CNTN4: variants seen among roughly 807,000 people sequenced by gnomAD.
The protein encoded by CNTN4 is contactin 4.
CNTN4 carries 77 observed loss-of-function variants against 122.5 expected under a neutral mutation model. The ratio of observed to expected loss-of-function variants is 0.63; its 90% CI spans 0.52 to 0.76. CNTN4 has a LOEUF of 0.76. Ranked by LOEUF, CNTN4 falls within the 30% of genes least tolerant of loss-of-function variation. The probability of loss-of-function intolerance (pLI) is 0.00; values close to 1 mark genes in which losing one functional copy is unlikely to be tolerated. For missense variants in CNTN4, 1,256 were observed against 1,259.1 expected (o/e 1.00, Z 0.04); for synonymous variants, 512 against 447.0 (o/e 1.15, Z -1.83).
rs373425193 is a variant in CNTN4, at chr3:2,388,566, T to C, written c.-89+49333T>C. The stretch of plus-strand genomic sequence containing the variant: ...TTTAGAAATCTACCTAACCAATGGC[T>C]GGGCACAGAGGCTTACGCCTGTAAT... On this transcript the variant is annotated intron_variant, in intron 3 of 24. Coordinates refer to ENST00000418658, the MANE Select transcript of CNTN4 (RefSeq NM_175607.3). Among the ~76,000 whole-genome samples the C allele has an allele frequency of 1.1e-4, 17 of 152,346 alleles. No individual in the cohort carries two copies. The South Asian group carries it at 3.1e-3, about 28-fold the overall frequency.
rs118134814 is a variant in CNTN4, at chr3:2,155,186, C to T, written c.-145+54547C>T. On this transcript the variant is annotated intron_variant, in intron 2 of 24. Transcript: ENST00000418658. ...TATGTTCAGAAAGCTAATTTTAAACCTAATTTTCCCATCTCTGTCTCTCTC... is the reference window on the plus strand; with the variant it reads ...TATGTTCAGAAAGCTAATTTTAAACTTAATTTTCCCATCTCTGTCTCTCTC... Among the ~76,000 whole-genome samples, 7 of 152,236 alleles carry T rather than the reference C, an allele frequency of 4.6e-5. No homozygotes were observed. In the East Asian group the frequency reaches 1.4e-3, roughly 29 times the overall value.
chr3:2,437,702 A>G (rs960703599), intron 3 of CNTN4, among the ~76,000 whole-genome samples: 1 of 152,206 alleles, frequency 6.6e-6, no homozygotes, highest in Non-Finnish European at 1.5e-5. Context: ...AATGGAAATC[A>G]TGAATGATTA....
At chr3:2,305,085 A>G (rs1008316717) in intron 2 of CNTN4, among the ~76,000 whole-genome samples, 1 of 152,068 alleles carries the variant, frequency 6.6e-6, no homozygotes, top group African/African-American at 2.4e-5. Context: ...TATGACCTTT[A>G]TATTCATTTT....
chr3:2,906,901 G>T (rs760849966), intron 12 of CNTN4, among the ~76,000 whole-genome samples: 20 of 151,582 alleles, frequency 1.3e-4, no homozygotes, highest in Non-Finnish European at 2.4e-4. Context: ...AGTCATTAAG[G>T]ACCAATTTTG....
At chr3:2,441,560 G>A (rs1219704410) in intron 3 of CNTN4, among the ~76,000 whole-genome samples, 1 of 152,188 alleles carries the variant, frequency 6.6e-6, no homozygotes, top group African/African-American at 2.4e-5. Flanking sequence ...TAATAAATAA[G>A]GTATTAGGGT....
chr3:2,306,854 G>T (rs2042726702), intron 2 of CNTN4, among the ~76,000 whole-genome samples: 1 of 151,302 alleles, frequency 6.6e-6, no homozygotes, highest in Non-Finnish European at 1.5e-5. Context: ...TATTAAATTT[G>T]TTCCTAAGTA....
At chr3:2,593,154 C>G (rs1199424824) in intron 4 of CNTN4, among the ~76,000 whole-genome samples, 1 of 152,156 alleles carries the variant, frequency 6.6e-6, no homozygotes, top group African/African-American at 2.4e-5. Flanking sequence ...TATACATTTT[C>G]TGAATGTATG....
intron 13 of CNTN4, among the ~76,000 whole-genome samples, chr3:2,952,807 T>G (rs344406): frequency 6.6e-6 from 1 of 152,040 alleles, no homozygotes. Flanking sequence ...CTAATTAGAA[T>G]GCAATACCAA....
At chr3:2,906,283 T>G (rs745528627) in intron 12 of CNTN4, among the ~76,000 whole-genome samples, 1 of 152,188 alleles carries the variant, frequency 6.6e-6, no homozygotes, top group Non-Finnish European at 1.5e-5. Context: ...ACGATGATTA[T>G]AGTTAATAAC....
chr3:2,423,441 C>T (rs1426029518), intron 3 of CNTN4, among the ~76,000 whole-genome samples: 2 of 150,726 alleles, frequency 1.3e-5, no homozygotes, highest in Admixed American at 1.3e-4. Flanking sequence ...ATGCTGCAAG[C>T]AGGAAGTCAG....
At chr3:2,248,776 A>C (rs2040252560) in intron 2 of CNTN4, among the ~76,000 whole-genome samples, 2 of 152,026 alleles carry the variant, frequency 1.3e-5, no homozygotes, top group African/African-American at 2.4e-5. Flanking sequence ...GCGACAGAAC[A>C]AACATGCATT....
chr3:2,194,794 GCAAACCA>G (rs2037757425), intron 2 of CNTN4, among the ~76,000 whole-genome samples: 1 of 152,110 alleles, frequency 6.6e-6, no homozygotes, highest in Non-Finnish European at 1.5e-5. Context: ...AAGTTTGTTA[GCAAACCA>G]CCAGAAGCTA....
chr3:3,026,362 TG>T, intron 15 of CNTN4, 85 bp downstream of exon 15: 1 of 1,219,694 alleles, frequency 8.2e-7, no homozygotes. Context: ...TTTAGAATTT[TG>T]TTCAAGTAAT....
intron 6 of CNTN4, among the ~76,000 whole-genome samples, chr3:2,817,924 C>G (rs76562404): frequency 7.0e-3 from 1,062 of 152,262 alleles, no homozygotes; most frequent in Middle Eastern, 0.02. Flanking sequence ...AGAAAAATAC[C>G]ATGTTCTACC....
intron 4 of CNTN4, among the ~76,000 whole-genome samples, chr3:2,720,507 A>G (rs1559426970): frequency 1.3e-5 from 2 of 152,198 alleles, no homozygotes; most frequent in African/African-American, 4.8e-5. Flanking sequence ...AAGAGAGGGC[A>G]AAGGTGGAAA....
chr3:2,110,540 A>G (rs1056830822), intron 2 of CNTN4: 1 of 152,242 alleles, frequency 6.6e-6, no homozygotes, highest in African/African-American at 2.4e-5. Context: ...GGTGACCTCC[A>G]TCTGCTTTCT....
chr3:2,680,678 A>G (rs113256704), intron 4 of CNTN4, among the ~76,000 whole-genome samples: 124 of 152,280 alleles, frequency 8.1e-4, no homozygotes, highest in African/African-American at 2.8e-3. Context: ...AGGATGAAAA[A>G]CTATGCATCC....
At chr3:2,587,686 G>C (rs1171138049) in intron 4 of CNTN4, among the ~76,000 whole-genome samples, 1 of 152,112 alleles carries the variant, frequency 6.6e-6, no homozygotes, top group Non-Finnish European at 1.5e-5. Context: ...GATTATCAAT[G>C]GCATTTCATA....
chr3:2,135,421 A>C (rs2034642886), intron 2 of CNTN4, among the ~76,000 whole-genome samples: 2 of 152,224 alleles, frequency 1.3e-5, no homozygotes, highest in Non-Finnish European at 2.9e-5. Context: ...TCTATTCTGT[A>C]AGATGTAATG....
Sources: allele counts gnomAD v4.1 joint callset (sites outside exome capture counted in the v4.1 genomes callset), GRCh38; gene constraint gnomAD v4.1.1; transcripts MANE v1.5; gene names NCBI Gene and HGNC (gene_info 2026-07-23, HGNC 2026-07-21).